NXN: variants seen among roughly 807,000 people sequenced by gnomAD.
The protein encoded by NXN is nucleoredoxin.
NXN carries 16 observed loss-of-function variants against 48.6 expected under a neutral mutation model. The observed-to-expected ratio is 0.33, with a 90% CI of 0.22 to 0.50. The LOEUF (loss-of-function observed/expected upper bound fraction) is 0.50. NXN is among the 20% of genes least tolerant of loss of function. NXN has a pLI of 0.98. For synonymous variants in NXN, 281 were observed against 269.6 expected (o/e 1.04, Z -0.41); for missense variants, 492 against 605.5 (o/e 0.81, Z 1.97).
chr17:876,699 TC>T (rs1470258813), intron 1 of NXN, among the ~76,000 whole-genome samples: 2 of 152,178 alleles, frequency 1.3e-5, no homozygotes, highest in Non-Finnish European at 2.9e-5. Flanking sequence ...TACGGGAAAC[TC>T]CTTGTGGTTC....
intron 1 of NXN, among the ~76,000 whole-genome samples, chr17:863,333 A>G (rs916724566): frequency 2.6e-5 from 4 of 151,828 alleles, no homozygotes; most frequent in African/African-American, 9.7e-5. Flanking sequence ...ACGCCCAGCT[A>G]ATTTTTTGTA....
At chr17:922,920 G>A (rs2068762898) in intron 1 of NXN, among the ~76,000 whole-genome samples, 1 of 151,902 alleles carries the variant, frequency 6.6e-6, no homozygotes, top group Non-Finnish European at 1.5e-5. Flanking sequence ...CCAAAGTGCT[G>A]GGATTACAGA....
chr17:968,805 C>T (rs781694590), intron 1 of NXN, among the ~76,000 whole-genome samples: 3 of 151,300 alleles, frequency 2.0e-5, no homozygotes, highest in South Asian at 2.1e-4. Context: ...GGCGTGGTGG[C>T]GGGCACCTGT....
At chr17:949,712 C>T (rs866415280) in intron 1 of NXN, among the ~76,000 whole-genome samples, 31 of 142,302 alleles carry the variant, frequency 2.2e-4, no homozygotes, top group African/African-American at 7.8e-4. Context: ...TCCTCCTCTC[C>T]CTGCTGCCTC....
chr17:815,045 C>T (rs1285609442), intron 5 of NXN, among the ~76,000 whole-genome samples: 4 of 152,196 alleles, frequency 2.6e-5, no homozygotes, highest in South Asian at 4.1e-4. Flanking sequence ...GGATTACAGG[C>T]GTGAGCCACC....
intron 1 of NXN, among the ~76,000 whole-genome samples, chr17:836,316 G>A (rs1567824912): frequency 6.6e-6 from 1 of 152,184 alleles, no homozygotes; most frequent in African/African-American, 2.4e-5. Context: ...GTGGGATCAA[G>A]GCAAAGCCAA....
In NXN at chr17:920,061, T is replaced by C. The variant is rs1472519528; in HGVS notation, c.360+59258A>G. 1.3e-5 allele frequency among the ~76,000 whole-genome samples: 2 copies of C among 152,012 alleles called. No individual in the cohort carries two copies. The highest frequency in any genetic ancestry group is 4.8e-5 in the African/African-American group (2 of 41,382). On this transcript the variant is annotated intron_variant, in intron 1 of 7. Transcript: ENST00000336868. The surrounding 1 kb of genome is among the most constrained non-coding windows in gnomAD (Gnocchi z 4.6). ...CAACTCTCTTCGAGCCACCACGCGG[T>C]GCAAATGTTTGTATTTTTGGTGGAG...
At chr17:851,892 G>A (rs2067927134) in intron 1 of NXN, among the ~76,000 whole-genome samples, 1 of 152,238 alleles carries the variant, frequency 6.6e-6, no homozygotes, top group Non-Finnish European at 1.5e-5. Context: ...CTTTCTCTAT[G>A]GAAGGGAGAT....
intron 1 of NXN, among the ~76,000 whole-genome samples, chr17:959,864 G>A (rs1184452436): frequency 2.6e-5 from 4 of 151,550 alleles, no homozygotes; most frequent in Admixed American, 6.6e-5. Flanking sequence ...AGGCTGAGGC[G>A]GGTGGATTAC....
chr17:876,839 G>A (rs2068221937), intron 1 of NXN, among the ~76,000 whole-genome samples: 1 of 152,012 alleles, frequency 6.6e-6, no homozygotes, highest in African/African-American at 2.4e-5. Flanking sequence ...CTGAGGTCGG[G>A]AGTTCGAGAC....
At chr17:850,903 T>C (rs1439219284) in intron 1 of NXN, among the ~76,000 whole-genome samples, 1 of 151,828 alleles carries the variant, frequency 6.6e-6, no homozygotes, top group African/African-American at 2.4e-5. Context: ...GGGCAGAGGG[T>C]GGAGTTTCTG....
chr17:826,195 AAAG>A, intron 1 of NXN, 117 bp from the exon 2 acceptor site: 2 of 773,712 alleles, frequency 2.6e-6, no homozygotes, highest in East Asian at 2.5e-5. Flanking sequence ...AGCACACAGA[AAAG>A]AATAATGGAT....
intron 1 of NXN, among the ~76,000 whole-genome samples, chr17:878,990 C>T (rs1325157627): frequency 6.6e-6 from 1 of 151,944 alleles, no homozygotes; most frequent in Non-Finnish European, 1.5e-5. Flanking sequence ...CATGGCGAAA[C>T]CCTCTCTCTA....
chr17:804,665 C>T (rs534917943), intron 6 of NXN, among the ~76,000 whole-genome samples: 1 of 152,206 alleles, frequency 6.6e-6, no homozygotes, highest in Non-Finnish European at 1.5e-5. Context: ...CCAAGGCAGC[C>T]ACCGGGCTGG....
intron 1 of NXN, among the ~76,000 whole-genome samples, chr17:961,173 C>T (rs1025207723): frequency 6.6e-6 from 1 of 151,970 alleles, no homozygotes; most frequent in Non-Finnish European, 1.5e-5. Context: ...GCAGGCGGAT[C>T]ACCTGAGGTC....
intron 1 of NXN, among the ~76,000 whole-genome samples, chr17:863,191 GAC>G (rs886470199): frequency 3.3e-5 from 5 of 152,108 alleles, no homozygotes; most frequent in South Asian, 2.1e-4. Context: ...GTTTTTTTGA[GAC>G]AGAGTCTCAC....
chr17:892,111 A>G (rs112304586), intron 1 of NXN, among the ~76,000 whole-genome samples: 2 of 56,364 alleles, frequency 3.5e-5, no homozygotes, highest in African/African-American at 6.5e-5. Context: ...CACCATGCAC[A>G]ACCCAACAGG....
intron 1 of NXN, among the ~76,000 whole-genome samples, chr17:962,759 A>G (rs560065230): frequency 2.6e-5 from 4 of 152,272 alleles, no homozygotes; most frequent in African/African-American, 9.6e-5. Context: ...TTTTGTCCCC[A>G]TATACATCTG....
Position 955,652 on chromosome 17 carries a change from C to T in NXN, c.360+23667G>A, listed in dbSNP as rs1035434331. Among the ~76,000 whole-genome samples, 18 of 149,044 alleles carry T rather than the reference C, an allele frequency of 1.2e-4. No individual in the cohort carries two copies. The South Asian group carries it at 1.5e-3, about 12-fold the overall frequency. On this transcript the variant is annotated intron_variant, in intron 1 of 7. Coordinates refer to ENST00000336868, the MANE Select transcript of NXN (RefSeq NM_022463.5). ...TGGCTCACGCCTGTAATCCCAGCAC[C>T]TCGGGAGGCCGAGGCGGGCGGATCA...
Sources: gnomAD v4.1 joint callset for allele counts (sites outside exome capture counted in the v4.1 genomes callset) on GRCh38, gnomAD v4.1.1 for gene constraint, Gnocchi (gnomAD v3.1) non-coding constraint, MANE v1.5 for transcripts, NCBI Gene and HGNC (gene_info 2026-07-23, HGNC 2026-07-21) for gene names.